The following GALNS variants were observed in gnomAD, a reference collection of about 807,000 sequenced individuals.
The protein encoded by GALNS is galactosamine (N-acetyl)-6-sulfatase.
GALNS carries 65 observed loss-of-function variants against 65.9 expected under a neutral mutation model. The observed-to-expected ratio is 0.99, with a 90% CI of 0.81 to 1.21. GALNS has a LOEUF of 1.21. GALNS is among the 50% of genes most tolerant of loss of function. The pLI is 0.00. For missense variants in GALNS, 776 were observed against 700.7 expected (o/e 1.11, Z -1.21); for synonymous variants, 346 against 288.9 (o/e 1.20, Z -2.00).
At chr16:88,840,056 C>A (rs890976615) in intron 4 of GALNS, among the ~76,000 whole-genome samples, 3 of 152,228 alleles carry the variant, frequency 2.0e-5, no homozygotes, top group Non-Finnish European at 2.9e-5. Flanking sequence ...TGGGGCCCAA[C>A]CTCCCTGTGT....
chr16:88,839,060 T>G (rs1246156177), intron 4 of GALNS: 1 of 153,736 alleles, frequency 6.5e-6, no homozygotes, highest in East Asian at 1.9e-4. Flanking sequence ...CCGACATCCC[T>G]GAACACCCCA....
intron 2 of GALNS, chr16:88,842,214 C>T (rs377198606): frequency 1.1e-5 from 7 of 609,894 alleles, no homozygotes; most frequent in African/African-American, 1.8e-5. Flanking sequence ...CCCAAGACCC[C>T]GCCTCCTTTC....
At chr16:88,825,045 C>CCTGGGTGTCCGGGGCTGGGGTGT (rs1910668492) in intron 10 of GALNS, among the ~76,000 whole-genome samples, 176 bp from the exon 11 acceptor site, 1 of 149,220 alleles carries the variant, frequency 6.7e-6, no homozygotes, top group Non-Finnish European at 1.5e-5. Context: ...GGCTGGGGTG[C>CCTGGGTGTCCGGGGCTGGGGTGT]CTGGGCGGCC....
intron 13 of GALNS, chr16:88,816,160 T>G (rs1019670835): frequency 5.1e-6 from 5 of 985,228 alleles, no homozygotes; most frequent in Non-Finnish European, 4.8e-6. Flanking sequence ...GGTGTGGCGG[T>G]GGGGGCAGTT....
chr16:88,846,699 T>C (rs56208138), intron 1 of GALNS, among the ~76,000 whole-genome samples: 18,026 of 151,886 alleles, frequency 0.12, 1,237 homozygotes, highest in African/African-American at 0.2. Flanking sequence ...CCCTCCATCA[T>C]GCTCAGCTAG....
intron 10 of GALNS, 76 bp downstream of exon 10, chr16:88,826,626 G>A: frequency 6.5e-7 from 1 of 1,538,916 alleles, no homozygotes; most frequent in Non-Finnish European, 8.9e-7. Flanking sequence ...CTGGGCCTGG[G>A]GGTTGCACCT....
chr16:88,818,164 A>G (rs1597524622), intron 12 of GALNS, 40 bp from the exon 13 acceptor site: 1 of 1,509,644 alleles, frequency 6.6e-7, no homozygotes, highest in Non-Finnish European at 9.0e-7. Flanking sequence ...TGGGGCTGAC[A>G]GCGAAGGACG....
chr16:88,815,784 A>G (rs1229148256), intron 13 of GALNS: 2 of 985,282 alleles, frequency 2.0e-6, no homozygotes, highest in Middle Eastern at 5.2e-4. Context: ...CCAGAGCAGG[A>G]GTGGGTTTGG....
At chr16:88,842,597 G>A in intron 2 of GALNS, 109 bp downstream of exon 2, 1 of 1,365,496 alleles carries the variant, frequency 7.3e-7, no homozygotes, top group South Asian at 1.3e-5. Flanking sequence ...TGCAGTAGTA[G>A]GAATAGACAA....
intron 8 of GALNS, 100 bp downstream of exon 8, chr16:88,835,113 G>T: frequency 1.4e-6 from 2 of 1,464,118 alleles, no homozygotes; most frequent in Non-Finnish European, 1.9e-6. Context: ...GACCCTTCAT[G>T]CTCTGCCCAC....
intron 1 of GALNS, chr16:88,855,463 G>C: frequency 1.4e-6 from 1 of 702,836 alleles, no homozygotes; most frequent in East Asian, 2.7e-5. Context: ...GAAAGGCCCG[G>C]CTACTGCTGT....
In GALNS at chr16:88,836,185, G is replaced by T; in HGVS notation, c.633+16C>A. On this transcript the variant is annotated intron_variant, in intron 6 of 13. Coordinates refer to ENST00000268695, the MANE Select transcript of GALNS (RefSeq NM_000512.5). ...CCATGCGTCCCACAGGGCGAGGATG[G>T]TGCGGTCCCCATCACCTGCAGGTAG... 6.2e-7 allele frequency: 1 copy of T among 1,611,794 alleles called. No homozygotes were observed. Among genetic ancestry groups the T allele is most frequent in the African/African-American group, 1.3e-5 (1 of 75,022 alleles).
chr16:88,850,862 G>A (rs1967475790), intron 1 of GALNS, among the ~76,000 whole-genome samples: 1 of 152,268 alleles, frequency 6.6e-6, no homozygotes, highest in South Asian at 2.1e-4. Context: ...GAAGGAGGAT[G>A]CTGGGCATAA....
intron 1 of GALNS, among the ~76,000 whole-genome samples, chr16:88,846,582 C>T (rs1474449869): frequency 6.9e-6 from 1 of 144,612 alleles, no homozygotes; most frequent in African/African-American, 2.6e-5. Context: ...ACAATCTCGA[C>T]TCACTGCAAC....
chr16:88,854,893 T>C (rs1967710875), intron 1 of GALNS, among the ~76,000 whole-genome samples: 1 of 152,210 alleles, frequency 6.6e-6, no homozygotes. Flanking sequence ...CCTCTGGGGT[T>C]CTTTAGGCGT....
At position 88,842,137 on chromosome 16, in the gene GALNS, G is replaced by A. The variant is rs1417039279; in HGVS notation, c.245-166C>T. 8 of 716,794 alleles carry A rather than the reference G, an allele frequency of 1.1e-5. No individual in the cohort carries two copies. The East Asian group carries it at 2.2e-4, about 19-fold the overall frequency. 44.4% of individuals were successfully genotyped at this position (716,794 alleles called of 1,614,324 possible). ...ATCCCCGTTAGCGTCTCCACCACCT[G>A]GGTGGGGCACGGCACCCATTCCACT... On this transcript the variant is annotated intron_variant, in intron 2 of 13. Transcript: ENST00000268695.
intron 13 of GALNS, chr16:88,815,495 C>T (rs533992201): frequency 1.0e-6 from 1 of 985,490 alleles, no homozygotes; most frequent in African/African-American, 1.7e-5. Flanking sequence ...ACAGTGCAGC[C>T]TTGCTTAGCG....
In GALNS at chr16:88,842,711, G is replaced by T; in HGVS notation, c.239C>A (p.Ser80Ter). 1 of 1,612,662 alleles carries T rather than the reference G, an allele frequency of 6.2e-7. No individual in the cohort carries two copies. Among genetic ancestry groups the T allele is most frequent in the South Asian group, 1.1e-5 (1 of 90,826 alleles). The change falls in exon 2 of 14, where the codon TCG becomes TAG. Residue 80 changes from serine to a stop codon, truncating the protein, a stop_gained. Coordinates refer to ENST00000268695, the MANE Select transcript of GALNS (RefSeq NM_000512.5). LOFTEE classifies it high-confidence loss of function. ...CGAGGGCCCCGCTGACTTACATGGCGAGCACAGAGGGTTGGCAGAATAGAA... is the reference window on the plus strand; with the variant it reads ...CGAGGGCCCCGCTGACTTACATGGCTAGCACAGAGGGTTGGCAGAATAGAA... The part of the protein sequence containing the change: ...PNFYSANPLC[S>*]PSRAALLTGR...
chr16:88,814,242 G>A lies in GALNS; in HGVS notation c.*197C>T, dbSNP rs187469283. 105 of 714,416 alleles carry A rather than the reference G, an allele frequency of 1.5e-4. No homozygotes were observed. The African/African-American group carries it at 1.6e-3, about 11-fold the overall frequency. The allele number at this position is 714,416 out of a possible 1,614,324, so 44.3% of individuals were successfully genotyped here. A position where few individuals can be genotyped will look rare whatever the true frequency, so the allele number is the denominator to read the frequency against. On this transcript the variant is annotated 3_prime_UTR_variant, in exon 14 of 14. Transcript: ENST00000268695. ...GGAGGGTCCTGAAATCTGAGGCGCC[G>A]TGGGCGAGGAGGAGGGCCAAGCACA...
Sources: allele counts gnomAD v4.1 joint callset (sites outside exome capture counted in the v4.1 genomes callset), GRCh38; gene constraint gnomAD v4.1.1; transcripts MANE v1.5; gene names NCBI Gene and HGNC (gene_info 2026-07-23, HGNC 2026-07-21).